PRKDC: variants seen among roughly 807,000 people sequenced by gnomAD.
PRKDC encodes protein kinase, DNA-activated, catalytic subunit, also known as DNA-dependent protein kinase catalytic subunit.
A neutral mutation model predicts 486.9 loss-of-function variants in PRKDC; 82 were observed. That is an observed-to-expected ratio of 0.17 (90% CI 0.14 to 0.20). PRKDC has a LOEUF of 0.20. Among genes scored for constraint, PRKDC ranks in the 10% least tolerant of loss-of-function variants. PRKDC has a pLI of 1.00. For missense variants in PRKDC, 4,504 were observed against 5,038.2 expected (o/e 0.89, Z 3.21); for synonymous variants, 1,895 against 1,837.0 (o/e 1.03, Z -0.81).
intron 54 of PRKDC, among the ~76,000 whole-genome samples, chr8:47,841,948 C>T (rs189106436): frequency 2.8e-4 from 42 of 152,332 alleles, no homozygotes; most frequent in African/African-American, 8.9e-4. Flanking sequence ...GCTGTGGGCA[C>T]CTCACCAGCT....
chr8:47,938,905 C>CTT lies in PRKDC; in HGVS notation c.1113+644_1113+645dup, dbSNP rs917159753. Reference sequence around the variant, plus strand: ...AATATATCTCTTTCTGTCATATAAACTTTTTTTTTAACTTCTCTTCCTAAA... The same window carrying CTT: ...AATATATCTCTTTCTGTCATATAAACTTTTTTTTTTTAACTTCTCTTCCTAAA... On this transcript the variant is annotated intron_variant, in intron 11 of 85. Coordinates refer to ENST00000314191, the MANE Select transcript of PRKDC (RefSeq NM_006904.7). Among the ~76,000 whole-genome samples the CTT allele has an allele frequency of 1.1e-4, 17 of 151,692 alleles. No homozygotes were observed. In the South Asian group the frequency reaches 3.6e-3, roughly 32 times the overall value.
At chr8:47,794,142 T>A (rs2086936569) in intron 74 of PRKDC, 148 bp downstream of exon 74, 1 of 662,880 alleles carries the variant, frequency 1.5e-6, no homozygotes, top group African/African-American at 1.8e-5. Context: ...CCAGAATAGA[T>A]ATATTCAACA....
At chr8:47,926,911 T>C (rs2154503385) in intron 21 of PRKDC, 1 of 284,338 alleles carries the variant, frequency 3.5e-6, no homozygotes, top group East Asian at 7.2e-5. Flanking sequence ...GTATTAGGAG[T>C]CATAAAAATT....
Position 47,793,775 on chromosome 8 carries a change from TAAAAAC to T in PRKDC, c.10670+509_10670+514del, listed in dbSNP as rs1260767873. ...ATAATGAGGCAGATCTGCTCATAAT[TAAAAAC>T]AAACAAAAAACCCCAAAACCTCATG... On this transcript the variant is annotated intron_variant, in intron 74 of 85. Coordinates refer to ENST00000314191, the MANE Select transcript of PRKDC (RefSeq NM_006904.7). Among the ~76,000 whole-genome samples the T allele has an allele frequency of 2.0e-5, 3 of 149,706 alleles. No individual in the cohort carries two copies. In the South Asian group the frequency reaches 6.4e-4, roughly 32 times the overall value.
rs1589771305 is a variant in PRKDC at position 47,893,012 on chromosome 8, T to C, written c.3847+127A>G. 3.5e-6 allele frequency: 4 copies of C among 1,156,660 alleles called. No homozygotes were observed. The South Asian group carries it at 9.1e-5, about 26-fold the overall frequency. 71.6% of individuals were successfully genotyped at this position (1,156,660 alleles called of 1,614,324 possible). A position where few individuals can be genotyped will look rare whatever the true frequency, so the allele number is the denominator to read the frequency against. ...ATGGAACCCTTGCAGAGAAGTGACA[T>C]GAAAGCACGGGCAAGGTGGTGCACA... On this transcript the variant is annotated intron_variant, in intron 31 of 85. Coordinates refer to ENST00000314191, the MANE Select transcript of PRKDC (RefSeq NM_006904.7).
At chr8:47,880,916 G>A (rs8178110) in intron 38 of PRKDC, among the ~76,000 whole-genome samples, 10 of 151,868 alleles carry the variant, frequency 6.6e-5, no homozygotes, top group South Asian at 2.1e-4. Flanking sequence ...GCCTGGTGGC[G>A]CACACCTGTG....
rs1431074490 is a variant in PRKDC, at chr8:47,913,927, G to A, written c.2755C>T (p.Leu919Phe). Residue 919 changes from leucine (L) to phenylalanine (F), a missense_variant, in exon 24 of 86, where the codon CTC becomes TTC. By Grantham distance (22) the Leu-to-Phe change is conservative. Coordinates refer to ENST00000314191, the MANE Select transcript of PRKDC (RefSeq NM_006904.7). ...VFLPRVTELALTASDRQTKVA... is the reference protein window; with the variant it reads ...VFLPRVTELAFTASDRQTKVA... ...TTAGTTTGTCTGTCACTGGCTGTGA[G>A]CGCTAATTCTGTGACTCGAGGCAGG... The A allele has an allele frequency of 1.9e-6, 3 of 1,610,454 alleles. No homozygotes were observed. Among genetic ancestry groups the A allele is most frequent in the Non-Finnish European group, 2.5e-6 (3 of 1,178,336 alleles).
rs772179135 is a variant in PRKDC, at chr8:47,854,118, A to G, written c.6858T>C (p.Pro2286=). The G allele has an allele frequency of 2.5e-6, 4 of 1,614,000 alleles. No homozygotes were observed. Among genetic ancestry groups the G allele is most frequent in the Non-Finnish European group, 3.4e-6 (4 of 1,179,864 alleles). The change falls in exon 51 of 86, where the codon CCT becomes CCC. Residue 2286 remains proline (P), a synonymous_variant. Coordinates refer to ENST00000314191, the MANE Select transcript of PRKDC (RefSeq NM_006904.7). ...LLGIVMANDL[P]PYDPQCGIQS... ...GGATGCCACACTGTGGGTCATAGGG[A>G]GGCAGGTCATTGGCCATCACGATGC...
intron 40 of PRKDC, among the ~76,000 whole-genome samples, chr8:47,874,640 T>C (rs372095673): frequency 1.3e-5 from 2 of 151,786 alleles, no homozygotes; most frequent in Admixed American, 6.6e-5. Flanking sequence ...GTGCCTGTAG[T>C]CTCAGCTACT....
chr8:47,955,764 A>T, intron 4 of PRKDC, 110 bp downstream of exon 4: 1 of 806,034 alleles, frequency 1.2e-6, no homozygotes, highest in Non-Finnish European at 2.0e-6. Flanking sequence ...CAATGTGATT[A>T]GATCCTATCC....
chr8:47,918,855 A>G (rs1177784878), intron 21 of PRKDC, among the ~76,000 whole-genome samples: 1 of 152,242 alleles, frequency 6.6e-6, no homozygotes, highest in Non-Finnish European at 1.5e-5. Flanking sequence ...GCAACCATCA[A>G]AGTAATACCT....
At chr8:47,924,354 T>A (rs2090121634) in intron 21 of PRKDC, among the ~76,000 whole-genome samples, 1 of 151,716 alleles carries the variant, frequency 6.6e-6, no homozygotes, top group African/African-American at 2.4e-5. Context: ...AGGTCAGGAG[T>A]TCGAGACCAG....
In PRKDC at chr8:47,902,802, C is replaced by T; in HGVS notation, c.3043-7G>A. The T allele has an allele frequency of 6.3e-7, 1 of 1,590,622 alleles. No homozygotes were observed. Among genetic ancestry groups the T allele is most frequent in the Non-Finnish European group, 8.5e-7 (1 of 1,169,632 alleles). On this transcript the variant is annotated splice_polypyrimidine_tract_variant and splice_region_variant and intron_variant, in intron 26 of 85. Transcript: ENST00000314191. ...CAGGGTCCACAATTCCATCCTGAAACAAAACAAAGAGACCTTGATTGTACT... is the reference window on the plus strand; with the variant it reads ...CAGGGTCCACAATTCCATCCTGAAATAAAACAAAGAGACCTTGATTGTACT...
At chr8:47,828,095 A>C in intron 62 of PRKDC, 73 bp downstream of exon 62, 2 of 1,428,076 alleles carry the variant, frequency 1.4e-6, no homozygotes, top group Non-Finnish European at 1.9e-6. Context: ...CACGGGAAAC[A>C]TAGTGATGAT....
intron 58 of PRKDC, among the ~76,000 whole-genome samples, 174 bp downstream of exon 58, chr8:47,836,164 A>C (rs556657908): frequency 6.6e-6 from 1 of 152,302 alleles, no homozygotes; most frequent in African/African-American, 2.4e-5. Flanking sequence ...TTCTGTTTCC[A>C]TGAGTTTGAC....
At chr8:47,778,693 G>T in intron 82 of PRKDC, 33 bp from the exon 83 acceptor site, 1 of 1,613,390 alleles carries the variant, frequency 6.2e-7, no homozygotes. Context: ...CGGCTGCTGT[G>T]ATCCCACTAA....
chr8:47,910,779 A>G (rs1445097112), intron 25 of PRKDC, among the ~76,000 whole-genome samples: 3 of 152,284 alleles, frequency 2.0e-5, no homozygotes, highest in East Asian at 3.9e-4. Context: ...TAAGCTATTC[A>G]TCTTCTATAG....
chr8:47,791,602 A>G (rs2086885163), intron 74 of PRKDC, among the ~76,000 whole-genome samples: 1 of 152,218 alleles, frequency 6.6e-6, no homozygotes, highest in Non-Finnish European at 1.5e-5. Flanking sequence ...AAGAAAACAT[A>G]CAAATGGTAA....
intron 54 of PRKDC, among the ~76,000 whole-genome samples, chr8:47,842,390 T>A (rs950184067): frequency 6.6e-6 from 1 of 152,088 alleles, no homozygotes; most frequent in Non-Finnish European, 1.5e-5. Context: ...AAAATTCTTC[T>A]AGTATCCATC....
Sources: allele counts gnomAD v4.1 joint callset (sites outside exome capture counted in the v4.1 genomes callset), GRCh38; gene constraint gnomAD v4.1.1; transcripts MANE v1.5; gene names NCBI Gene and HGNC (gene_info 2026-07-23, HGNC 2026-07-21).